PKHD1: variants seen among roughly 807,000 people sequenced by gnomAD.
PKHD1 encodes the protein PKHD1 ciliary IPT domain containing fibrocystin/polyductin, also known as fibrocystin.
A neutral mutation model predicts 412.0 loss-of-function variants in PKHD1; 291 were observed. The observed-to-expected ratio is 0.71, with a 90% CI of 0.64 to 0.78. The LOEUF (loss-of-function observed/expected upper bound fraction) is 0.78, where lower values mean the gene tolerates loss of function less well. PKHD1 is among the 30% of genes least tolerant of loss of function. PKHD1 has a pLI of 0.00. For missense variants in PKHD1, 4,825 were observed against 4,950.7 expected (o/e 0.97, Z 0.76); for synonymous variants, 1,777 against 1,821.5 (o/e 0.98, Z 0.62).
Position 52,062,580 on chromosome 6 carries a change from G to A in PKHD1, c.1057C>T (p.Gln353Ter). Reference sequence around the variant, plus strand: ...GGAGAACTGGCATTAGGGACAATCTGCCACCTGTACCCTGGGGTGGCTTCA... The same window carrying A: ...GGAGAACTGGCATTAGGGACAATCTACCACCTGTACCCTGGGGTGGCTTCA... ...LTEATPGYRW[Q>*]IVPNASSPFG... Residue 353 changes from glutamine (Q) to a stop codon, truncating the protein, a stop_gained, in exon 14 of 67, where the codon CAG (glutamine) becomes TAG (stop). Coordinates refer to ENST00000371117, the MANE Select transcript of PKHD1 (RefSeq NM_138694.4). LOFTEE classifies it high-confidence loss of function. The A allele has an allele frequency of 6.2e-7, 1 of 1,614,106 alleles. No individual in the cohort carries two copies. The highest frequency in any genetic ancestry group is 2.2e-5 in the East Asian group (1 of 44,886).
At chr6:51,827,830 T>G (rs6903662) in intron 52 of PKHD1, among the ~76,000 whole-genome samples, 67,056 of 151,622 alleles carry the variant, frequency 0.44, 15,876 homozygotes, top group Middle Eastern at 0.6. Context: ...AAATATTTGC[T>G]AAACTGAACT....
At chr6:51,666,986 A>G (rs1018954108) in intron 60 of PKHD1, among the ~76,000 whole-genome samples, 41 of 150,160 alleles carry the variant, frequency 2.7e-4, no homozygotes, top group Admixed American at 5.3e-4. Context: ...GCTATTGTGA[A>G]TAATGCCGCA....
chr6:51,733,433 A>G (rs773153338), intron 60 of PKHD1, among the ~76,000 whole-genome samples: 3 of 151,428 alleles, frequency 2.0e-5, no homozygotes, highest in African/African-American at 4.9e-5. Flanking sequence ...CCAGCTACTG[A>G]GGCTGAGGCA....
chr6:52,000,606 C>A (rs1441314326), intron 35 of PKHD1, among the ~76,000 whole-genome samples: 1 of 152,172 alleles, frequency 6.6e-6, no homozygotes, highest in Non-Finnish European at 1.5e-5. Context: ...GACATTTTCA[C>A]AGGGCTAATA....
At position 51,874,884 on chromosome 6, in the gene PKHD1, G is replaced by A. The variant is rs1473407139; in HGVS notation, c.7351-4245C>T. On this transcript the variant is annotated intron_variant, in intron 46 of 66. Transcript: ENST00000371117. ...ATCTCACTAGGGAGTGCCAGACAGT[G>A]GGCGCAGGCCAGTGTGTGTGCGCAC... 1.1e-4 allele frequency among the ~76,000 whole-genome samples: 11 copies of A among 98,182 alleles called. 4 individuals carry two copies. In the East Asian group the frequency reaches 0.012, roughly 107 times the overall value. 64.4% of individuals were successfully genotyped at this position (98,182 alleles called of 152,430 possible). A position where few individuals can be genotyped will look rare whatever the true frequency, so the allele number is the denominator to read the frequency against.
intron 54 of PKHD1, among the ~76,000 whole-genome samples, chr6:51,773,649 G>A (rs1404012239): frequency 6.6e-6 from 1 of 151,070 alleles, no homozygotes; most frequent in African/African-American, 2.4e-5. Flanking sequence ...CATATCCCTG[G>A]ATTGATGCAC....
chr6:51,997,176 C>A (rs909792315), intron 35 of PKHD1, among the ~76,000 whole-genome samples: 1 of 152,202 alleles, frequency 6.6e-6, no homozygotes, highest in Non-Finnish European at 1.5e-5. Context: ...GGCCTAGAAG[C>A]TACTGACAAC....
chr6:51,771,079 T>C (rs1790019804), intron 55 of PKHD1, among the ~76,000 whole-genome samples: 1 of 151,274 alleles, frequency 6.6e-6, no homozygotes, highest in African/African-American at 2.4e-5. Context: ...GATTTCAAAC[T>C]CTCCAGCTCC....
In PKHD1 at chr6:51,730,252, C is replaced by T. The variant is rs529673552; in HGVS notation, c.10156+14133G>A. On this transcript the variant is annotated intron_variant, in intron 60 of 66. Coordinates refer to ENST00000371117, the MANE Select transcript of PKHD1 (RefSeq NM_138694.4). Reference sequence around the variant, plus strand: ...ATATTCAAATTTTTAAATCTACCCACGTATTTTCTAGATTTTGATTCATGC... The same window carrying T: ...ATATTCAAATTTTTAAATCTACCCATGTATTTTCTAGATTTTGATTCATGC... Among the ~76,000 whole-genome samples the T allele has an allele frequency of 3.9e-5, 6 of 152,034 alleles. No homozygotes were observed. In the East Asian group the frequency reaches 5.8e-4, roughly 15 times the overall value.
At chr6:52,038,473 G>C (rs1006811296) in intron 27 of PKHD1, among the ~76,000 whole-genome samples, 8 of 151,996 alleles carry the variant, frequency 5.3e-5, no homozygotes, top group Non-Finnish European at 1.5e-5. Context: ...GCAGAGATTG[G>C]GGTGGTGTTC....
chr6:51,689,291 C>T (rs933450158), intron 60 of PKHD1, among the ~76,000 whole-genome samples: 3 of 152,276 alleles, frequency 2.0e-5, no homozygotes, highest in Non-Finnish European at 2.9e-5. Context: ...CGATAAAATT[C>T]GACATCAGTT....
chr6:51,837,650 TG>T (rs1315217484), intron 50 of PKHD1, among the ~76,000 whole-genome samples: 2 of 152,052 alleles, frequency 1.3e-5, no homozygotes, highest in Non-Finnish European at 2.9e-5. Context: ...GAGGTTGCAG[TG>T]AGCCAAGATC....
chr6:51,636,474 G>A (rs1768579602), intron 64 of PKHD1, among the ~76,000 whole-genome samples: 1 of 152,046 alleles, frequency 6.6e-6, no homozygotes, highest in African/African-American at 2.4e-5. Context: ...TTGAGCCTGG[G>A]AGGTTGAGAC....
At chr6:51,786,367 A>G (rs1792855239) in intron 53 of PKHD1, among the ~76,000 whole-genome samples, 1 of 152,184 alleles carries the variant, frequency 6.6e-6, no homozygotes, top group Non-Finnish European at 1.5e-5. Context: ...GAAACATCTC[A>G]GTAGGCTTCT....
At chr6:51,931,321 C>A (rs1166097970) in intron 37 of PKHD1, among the ~76,000 whole-genome samples, 2 of 152,188 alleles carry the variant, frequency 1.3e-5, no homozygotes, top group African/African-American at 4.8e-5. Flanking sequence ...TCATTAGGGA[C>A]TTCCTGGGTG....
chr6:51,990,360 C>G (rs867791460), intron 35 of PKHD1, among the ~76,000 whole-genome samples: 1 of 152,160 alleles, frequency 6.6e-6, no homozygotes, highest in African/African-American at 2.4e-5. Context: ...GATGTTGCCT[C>G]TCCCAACACT....
chr6:51,810,155 G>T (rs371277523), intron 52 of PKHD1, among the ~76,000 whole-genome samples: 2 of 152,018 alleles, frequency 1.3e-5, no homozygotes, highest in South Asian at 2.1e-4. Flanking sequence ...TTAACAGATA[G>T]AAATTTATCA....
chr6:51,998,253 C>T (rs1040325995), intron 35 of PKHD1, among the ~76,000 whole-genome samples: 1 of 151,718 alleles, frequency 6.6e-6, no homozygotes, highest in African/African-American at 2.4e-5. Flanking sequence ...GAGATTTGAG[C>T]TCCAGAAATT....
intron 32 of PKHD1, among the ~76,000 whole-genome samples, chr6:52,023,389 T>A (rs2128139443): frequency 6.6e-6 from 1 of 152,334 alleles, no homozygotes; most frequent in East Asian, 1.9e-4. Context: ...ATTCTGGAAC[T>A]TGCTTTTTTG....
Sources: allele counts gnomAD v4.1 joint callset (sites outside exome capture counted in the v4.1 genomes callset), GRCh38; gene constraint gnomAD v4.1.1; transcripts MANE v1.5; gene names NCBI Gene and HGNC (gene_info 2026-07-23, HGNC 2026-07-21).